DOCK3: variants seen among roughly 807,000 people sequenced by gnomAD.
DOCK3 encodes the protein dedicator of cytokinesis protein 3.
In DOCK3, 60 loss-of-function variants were observed where a neutral mutation model predicts 265.6. That is an observed-to-expected ratio of 0.23 (90% CI 0.18 to 0.28). The LOEUF is 0.28. Ranked by LOEUF, DOCK3 falls within the 10% of genes least tolerant of loss-of-function variation. The pLI is 1.00. For synonymous variants in DOCK3, 881 were observed against 938.0 expected, an observed-to-expected ratio of 0.94 and a Z score of 1.11; for missense variants, 1,981 against 2,594.3, an observed-to-expected ratio of 0.76 and a Z score of 5.14.
At chr3:50,960,429 T>G (rs1213566336) in intron 5 of DOCK3, among the ~76,000 whole-genome samples, 8 of 152,212 alleles carry the variant, frequency 5.3e-5, no homozygotes, top group Admixed American at 5.2e-4. Context: ...AGTTTTTATT[T>G]GCATTTTTCT....
intron 5 of DOCK3, among the ~76,000 whole-genome samples, chr3:51,058,739 T>G (rs892228252): frequency 1.1e-4 from 17 of 152,158 alleles, no homozygotes; most frequent in Admixed American, 1.1e-3. Context: ...GGGGGTCCAC[T>G]TCCTCATAGT....
At chr3:51,284,957 G>A (rs1002667823) in intron 27 of DOCK3, among the ~76,000 whole-genome samples, 6 of 152,186 alleles carry the variant, frequency 3.9e-5, no homozygotes, top group African/African-American at 1.2e-4. Context: ...TTAATGCAGC[G>A]ACAGTGGGAT....
intron 23 of DOCK3, among the ~76,000 whole-genome samples, chr3:51,268,078 C>T (rs762155176): frequency 2.6e-5 from 4 of 152,040 alleles, no homozygotes; most frequent in South Asian, 2.1e-4. Flanking sequence ...CACCATGGCA[C>T]GTGTATACTT....
At chr3:51,104,973 T>A (rs2083228196) in intron 9 of DOCK3, among the ~76,000 whole-genome samples, 1 of 152,088 alleles carries the variant, frequency 6.6e-6, no homozygotes, top group African/African-American at 2.4e-5. Flanking sequence ...TCCCATTTAT[T>A]CCTGAGGGTT....
rs560805425 is a variant in DOCK3, at chr3:50,892,649, A to G, written c.218+2568A>G. On this transcript the variant is annotated intron_variant, in intron 4 of 52. Coordinates refer to ENST00000266037, the MANE Select transcript of DOCK3 (RefSeq NM_004947.5). ...CACCCAGAGTGCTGGAGTAGCCAGCATAATTTAAACATGCAGGGGAAGCTA... is the reference window on the plus strand; with the variant it reads ...CACCCAGAGTGCTGGAGTAGCCAGCGTAATTTAAACATGCAGGGGAAGCTA... 2.6e-5 allele frequency among the ~76,000 whole-genome samples: 4 copies of G among 152,220 alleles called. No individual in the cohort carries two copies. The East Asian group carries it at 7.7e-4, about 29-fold the overall frequency.
At position 50,679,836 on chromosome 3, in the gene DOCK3, T is replaced by C. The variant is rs9843508; in HGVS notation, c.37+4536T>C. Among the ~76,000 whole-genome samples the C allele has an allele frequency of 3.5e-3, 526 of 152,354 alleles. 4 individuals are homozygous for C. The highest frequency in any genetic ancestry group is 0.012 in the African/African-American group (507 of 41,586). On this transcript the variant is annotated intron_variant, in intron 1 of 52. Transcript: ENST00000266037. ...ATAGACCTATGACTTTATTTTGTTC[T>C]GAAAAGTGAGGATGTGCTTGATGTC... is the stretch of plus-strand genomic sequence containing the variant.
chr3:50,790,473 C>T (rs1412568945), intron 2 of DOCK3, among the ~76,000 whole-genome samples: 2 of 131,970 alleles, frequency 1.5e-5, no homozygotes, highest in Non-Finnish European at 3.2e-5. Flanking sequence ...ATATTTAGAG[C>T]TTTTTTTTTT....
At chr3:51,295,942 G>A (rs2082055528) in intron 27 of DOCK3, among the ~76,000 whole-genome samples, 1 of 152,178 alleles carries the variant, frequency 6.6e-6, no homozygotes, top group African/African-American at 2.4e-5. Flanking sequence ...CTGGGCTCAA[G>A]TGATCCTTCT....
intron 3 of DOCK3, among the ~76,000 whole-genome samples, chr3:50,889,291 C>A (rs1477662986): frequency 1.3e-5 from 2 of 151,704 alleles, no homozygotes; most frequent in Non-Finnish European, 2.9e-5. Flanking sequence ...GCTATGTTGC[C>A]CAGACTAGTC....
rs1357803097 is a variant in DOCK3, at chr3:51,300,620, GA to G, written c.2923-9610del. ...GAGTTTTTTATCATGAAAGGATGTT[GA>G]ATTTTATCAAAGGTCTTTTCTACAT... On this transcript the variant is annotated intron_variant, in intron 27 of 52. Coordinates refer to ENST00000266037, the MANE Select transcript of DOCK3 (RefSeq NM_004947.5). Among the ~76,000 whole-genome samples the G allele has an allele frequency of 7.2e-5, 11 of 152,278 alleles. No individual in the cohort carries two copies. In the South Asian group the frequency reaches 8.3e-4, roughly 11 times the overall value.
chr3:51,275,075 C>T lies in DOCK3; in HGVS notation c.2549-4C>T. On this transcript the variant is annotated splice_region_variant and splice_polypyrimidine_tract_variant and intron_variant, in intron 24 of 52. Coordinates refer to ENST00000266037, the MANE Select transcript of DOCK3 (RefSeq NM_004947.5). The stretch of plus-strand genomic sequence containing the variant: ...TTTCTTCACCTTTGTATTTTCTCTC[C>T]CAGAATCCCGCCGCATCCTGCTTCC... The T allele has an allele frequency of 4.3e-6, 7 of 1,613,904 alleles. No homozygotes were observed. The highest frequency in any genetic ancestry group is 5.9e-6 in the Non-Finnish European group (7 of 1,179,876).
At chr3:50,859,705 A>G (rs2046810556) in intron 3 of DOCK3, among the ~76,000 whole-genome samples, 1 of 152,004 alleles carries the variant, frequency 6.6e-6, no homozygotes, top group African/African-American at 2.4e-5. Flanking sequence ...TCTTGTCTCT[A>G]GTTTCAGAGG....
chr3:50,682,961 A>G (rs1268419040), intron 1 of DOCK3, among the ~76,000 whole-genome samples: 1 of 152,236 alleles, frequency 6.6e-6, no homozygotes, highest in Non-Finnish European at 1.5e-5. Flanking sequence ...TTGGGATTAC[A>G]GGCGTGAGCC....
chr3:51,102,988 C>A (rs974252346), intron 9 of DOCK3, among the ~76,000 whole-genome samples: 3 of 152,142 alleles, frequency 2.0e-5, no homozygotes, highest in Non-Finnish European at 4.4e-5. Flanking sequence ...TTACCTTGAA[C>A]TCAATTGTCA....
chr3:51,258,146 A>T (rs189634113), intron 22 of DOCK3, among the ~76,000 whole-genome samples: 7 of 152,300 alleles, frequency 4.6e-5, no homozygotes. Flanking sequence ...CCTCCCTGAA[A>T]CTGGTGAATG....
At chr3:51,221,923 A>C (rs905270828) in intron 14 of DOCK3, among the ~76,000 whole-genome samples, 3 of 151,996 alleles carry the variant, frequency 2.0e-5, no homozygotes, top group Middle Eastern at 3.2e-3. Context: ...CCAGTCCCCT[A>C]CTCCTACCCA....
At chr3:51,362,385 T>A (rs1218814452) in intron 48 of DOCK3, 142 bp from the exon 49 acceptor site, 16 of 1,141,476 alleles carry the variant, frequency 1.4e-5, no homozygotes, top group Admixed American at 2.5e-5. Context: ...GCCCAGCCAT[T>A]AGCCTGGCCT....
rs771608352 is a variant in DOCK3 at position 51,362,529 on chromosome 3, C to T, written c.5148C>T (p.Leu1716=). 3.2e-5 allele frequency: 51 copies of T among 1,613,858 alleles called. No homozygotes were observed. Among genetic ancestry groups the T allele is most frequent in the Middle Eastern group, 1.6e-4 (1 of 6,082 alleles). ...TGCTGATTTTTCTCCCTTTGCAGCT[C>T]GCGTATCCCAACCCCAGGTACCAAG... ...APEDLYHHMQ[L]AYPNPRYQGS... is the part of the protein sequence containing the mutation. The change falls in exon 49 of 53, where the codon CTC becomes CTT. Residue 1716 remains leucine (L), a splice_region_variant and synonymous_variant. Coordinates refer to ENST00000266037, the MANE Select transcript of DOCK3 (RefSeq NM_004947.5).
At position 50,931,649 on chromosome 3, in the gene DOCK3, CA is replaced by C. The variant is rs201502049; in HGVS notation, c.219-2326del. 6.5e-3 allele frequency among the ~76,000 whole-genome samples: 990 copies of C among 152,274 alleles called. 5 individuals are homozygous for C. Among genetic ancestry groups the C allele is most frequent in the African/African-American group, 0.022 (925 of 41,542 alleles). ...CTGAGAAGATCAATATGACCTATTT[CA>C]AAAAATTAAAGTAAATTAAACCATA... On this transcript the variant is annotated intron_variant, in intron 4 of 52. Transcript: ENST00000266037.
Sources: gnomAD v4.1 joint callset for allele counts (sites outside exome capture counted in the v4.1 genomes callset) on GRCh38, gnomAD v4.1.1 for gene constraint, MANE v1.5 for transcripts, NCBI Gene and HGNC (gene_info 2026-07-23, HGNC 2026-07-21) for gene names.